The following RADIL variants were observed in gnomAD, a reference collection of about 807,000 sequenced individuals.
The protein encoded by RADIL is ras-associating and dilute domain-containing protein.
Under a neutral mutation model 97.6 loss-of-function variants are expected in RADIL, and 99 were observed. The ratio of observed to expected loss-of-function variants is 1.01; its 90% CI spans 0.86 to 1.20. The LOEUF (loss-of-function observed/expected upper bound fraction) is 1.20. Ranked by LOEUF, RADIL falls within the 50% of genes most tolerant of loss-of-function variation. The probability of loss-of-function intolerance (pLI) is 0.00; values close to 1 mark genes in which losing one functional copy is unlikely to be tolerated. For synonymous variants in RADIL, 803 were observed against 691.8 expected, an observed-to-expected ratio of 1.16 and a Z score of -2.52; for missense variants, 1,765 against 1,498.9, an observed-to-expected ratio of 1.18 and a Z score of -2.93.
Position 4,852,687 on chromosome 7 carries a change from C to T in RADIL, c.536-16082G>A, listed in dbSNP as rs186768392. Among the ~76,000 whole-genome samples the T allele has an allele frequency of 1.2e-3, 182 of 152,266 alleles. 1 individual carries two copies. The highest frequency in any genetic ancestry group is 3.8e-3 in the African/African-American group (159 of 41,542). Reference sequence around the variant, plus strand: ...AGCACAGAGTGGCTGGGATTACAGGCATGTGCCACCACACCCTGATAATTT... The same window carrying T: ...AGCACAGAGTGGCTGGGATTACAGGTATGTGCCACCACACCCTGATAATTT... On this transcript the variant is annotated intron_variant, in intron 2 of 14. Transcript: ENST00000399583.
At chr7:4,800,006 G>A (rs553522877) in intron 13 of RADIL, among the ~76,000 whole-genome samples, 165 bp downstream of exon 13, 89 of 152,308 alleles carry the variant, frequency 5.8e-4, no homozygotes, top group African/African-American at 1.9e-3. Flanking sequence ...GGGCGTGGCC[G>A]TTGGACAGGC....
intron 4 of RADIL, among the ~76,000 whole-genome samples, chr7:4,833,221 G>A (rs1783197560): frequency 6.6e-6 from 1 of 152,228 alleles, no homozygotes; most frequent in African/African-American, 2.4e-5. Flanking sequence ...GTGACATGGG[G>A]TGTGGCATCT....
In RADIL at chr7:4,814,545, G is replaced by A. The variant is rs896581764; in HGVS notation, c.2139+733C>T. 9.9e-5 allele frequency among the ~76,000 whole-genome samples: 15 copies of A among 151,884 alleles called. No homozygotes were observed. The highest frequency in any genetic ancestry group is 3.6e-4 in the African/African-American group (15 of 41,322). On this transcript the variant is annotated intron_variant, in intron 9 of 14. Coordinates refer to ENST00000399583, the MANE Select transcript of RADIL (RefSeq NM_018059.5). The surrounding 1 kb of genome is among the most constrained non-coding windows in gnomAD (Gnocchi z 4.5). ...GATGACTGTGTTGGGAAGGGGGGTG[G>A]TGAGTGGCTGACTGTGTTGGGAGGG...
intron 9 of RADIL, chr7:4,811,216 G>A (rs981501709): frequency 4.6e-5 from 7 of 152,044 alleles, no homozygotes; most frequent in African/African-American, 9.7e-5. Flanking sequence ...AGCAATGCGA[G>A]TGGAGAAGAA....
intron 11 of RADIL, 45 bp from the exon 12 acceptor site, chr7:4,802,040 T>A: frequency 7.0e-7 from 1 of 1,424,818 alleles, no homozygotes; most frequent in Non-Finnish European, 9.3e-7. Flanking sequence ...AGTGGCCAGG[T>A]GGACACAGCA....
chr7:4,833,985 G>A (rs915615542), intron 4 of RADIL, among the ~76,000 whole-genome samples: 20 of 152,154 alleles, frequency 1.3e-4, no homozygotes, highest in African/African-American at 4.8e-4. Context: ...GGATGCTGCT[G>A]AATCCTCTGC....
Position 4,822,650 on chromosome 7 carries a change from G to T in RADIL, c.1455-96C>A. On this transcript the variant is annotated intron_variant, in intron 5 of 14. Coordinates refer to ENST00000399583, the MANE Select transcript of RADIL (RefSeq NM_018059.5). The surrounding 1 kb of genome is among the most constrained non-coding windows in gnomAD (Gnocchi z 5.3). ...TACATAAGGATGCGCGTTTTCATGGGACGCTGACAACAACTGCAACCATCA... is the reference window on the plus strand; with the variant it reads ...TACATAAGGATGCGCGTTTTCATGGTACGCTGACAACAACTGCAACCATCA... 3 of 1,386,664 alleles carry T rather than the reference G, an allele frequency of 2.2e-6. No homozygotes were observed. Among genetic ancestry groups the T allele is most frequent in the South Asian group, 2.7e-5 (2 of 73,070 alleles). The allele number at this position is 1,386,664 out of a possible 1,614,324, so 85.9% of individuals were successfully genotyped here. A position where few individuals can be genotyped will look rare whatever the true frequency, so the allele number is the denominator to read the frequency against.
At chr7:4,847,612 G>A (rs10235701) in intron 2 of RADIL, among the ~76,000 whole-genome samples, 69,692 of 151,690 alleles carry the variant, frequency 0.46, 16,941 homozygotes, top group African/African-American at 0.62. Flanking sequence ...ATCAACGGGT[G>A]AACAGATGAA....
In RADIL at chr7:4,867,525, A is replaced by G. The variant is rs1235207517; in HGVS notation, c.535+10080T>C. On this transcript the variant is annotated intron_variant, in intron 2 of 14. Transcript: ENST00000399583. This position sits in a 1 kb window ranked among gnomAD's most constrained non-coding sequence, Gnocchi z 4.1. ...GCCAGGTGTGGTGGCTCATGGCTGT[A>G]ATCCCAGCACTTTGGGAGGCTGAGG... Among the ~76,000 whole-genome samples, 1 of 152,176 alleles carries G rather than the reference A, an allele frequency of 6.6e-6. No individual in the cohort carries two copies. Among genetic ancestry groups the G allele is most frequent in the East Asian group, 1.9e-4 (1 of 5,196 alleles).
At position 4,797,420 on chromosome 7, in the gene RADIL, T is replaced by A. The variant is rs1320562982; in HGVS notation, c.*1958A>T. On this transcript the variant is annotated 3_prime_UTR_variant, in exon 15 of 15. Coordinates refer to ENST00000399583, the MANE Select transcript of RADIL (RefSeq NM_018059.5). Reference sequence around the variant, plus strand: ...GAGCAAGTCAGAAGGCCGGAGAATATTGCAGGGAAGAAGAGATAAGCCCCC... The same window carrying A: ...GAGCAAGTCAGAAGGCCGGAGAATAATGCAGGGAAGAAGAGATAAGCCCCC... 6.6e-6 allele frequency: 1 copy of A among 152,184 alleles called. No homozygotes were observed. The highest frequency in any genetic ancestry group is 2.4e-5 in the African/African-American group (1 of 41,424). The allele number at this position is 152,184 out of a possible 1,614,324, so 9.4% of individuals were successfully genotyped here.
chr7:4,862,354 G>A (rs1282374620), intron 2 of RADIL, among the ~76,000 whole-genome samples: 1 of 152,204 alleles, frequency 6.6e-6, no homozygotes, highest in East Asian at 1.9e-4. Flanking sequence ...AACCCGCGGT[G>A]GAAAGCAGCT....
chr7:4,859,874 C>T (rs1783931245), intron 2 of RADIL: 1 of 1,491,776 alleles, frequency 6.7e-7, no homozygotes. Flanking sequence ...CTTTATGAGG[C>T]AAGAATATCC....
intron 2 of RADIL, chr7:4,862,034 G>A (rs1225482219): frequency 1.2e-5 from 5 of 402,630 alleles, no homozygotes; most frequent in Middle Eastern, 6.3e-4. Flanking sequence ...AGAACCTACC[G>A]TACACGCGCG....
chr7:4,876,922 C>T (rs1253888956), intron 2 of RADIL, among the ~76,000 whole-genome samples: 2 of 152,234 alleles, frequency 1.3e-5, no homozygotes. Context: ...ATTGTCTTTT[C>T]ACTTCATTGC....
Position 4,878,352 on chromosome 7 carries a change from TG to T in RADIL, c.-64-150del. 1.7e-6 allele frequency: 1 copy of T among 605,280 alleles called. No individual in the cohort carries two copies. The allele number at this position is 605,280 out of a possible 1,614,324, so 37.5% of individuals were successfully genotyped here. A position where few individuals can be genotyped will look rare whatever the true frequency, so the allele number is the denominator to read the frequency against. On this transcript the variant is annotated intron_variant, in intron 1 of 14. Transcript: ENST00000399583. The surrounding 1 kb of genome is among the most constrained non-coding windows in gnomAD (Gnocchi z 4.1). ...TGAGCCCGGGAGTTCCAGACCAGCC[TG>T]GGAAACATAGTAAGGCCCCGGCTCT...
chr7:4,883,243 A>C lies in RADIL; in HGVS notation c.-65+353T>G, dbSNP rs1350517080. On this transcript the variant is annotated intron_variant, in intron 1 of 14. Transcript: ENST00000399583. This position sits in a 1 kb window ranked among gnomAD's most constrained non-coding sequence, Gnocchi z 7.1. The stretch of plus-strand genomic sequence containing the variant: ...TCCCCCTCCAGGGCACAGCCGGGAA[A>C]ACTGAGGGCCGAGAGTCCCCTGGAG... 6.8e-6 allele frequency among the ~76,000 whole-genome samples: 1 copy of C among 147,902 alleles called. No homozygotes were observed. Among genetic ancestry groups the C allele is most frequent in the Non-Finnish European group, 1.5e-5 (1 of 67,776 alleles).
chr7:4,832,330 G>C lies in RADIL; in HGVS notation c.1417-152C>G, dbSNP rs938845154. 11 of 744,616 alleles carry C rather than the reference G, an allele frequency of 1.5e-5. No individual in the cohort carries two copies. The Admixed American group carries it at 2.5e-4, about 17-fold the overall frequency. The allele number at this position is 744,616 out of a possible 1,614,324, so 46.1% of individuals were successfully genotyped here. ...CTATTTATTCAAGCTGTGCTGGAAA[G>C]GACATTTTCCATGTGACTTCAACAT... is the stretch of plus-strand genomic sequence containing the variant. On this transcript the variant is annotated intron_variant, in intron 4 of 14. Transcript: ENST00000399583.
At chr7:4,855,521 C>T (rs1172684016) in intron 2 of RADIL, among the ~76,000 whole-genome samples, 1 of 150,142 alleles carries the variant, frequency 6.7e-6, no homozygotes, top group African/African-American at 2.5e-5. Context: ...CCAAAGGGGC[C>T]AAAACAATTT....
rs1782843740 is a variant in RADIL, at chr7:4,821,914, A to G, written c.1615+480T>C. Among the ~76,000 whole-genome samples, 1 of 152,124 alleles carries G rather than the reference A, an allele frequency of 6.6e-6. No individual in the cohort carries two copies. Among genetic ancestry groups the G allele is most frequent in the Non-Finnish European group, 1.5e-5 (1 of 68,022 alleles). ...TCCCACATCTTAATCTGTGAAACCGACATAATCTACAATTTCACAACAATG... is the reference window on the plus strand; with the variant it reads ...TCCCACATCTTAATCTGTGAAACCGGCATAATCTACAATTTCACAACAATG... On this transcript the variant is annotated intron_variant, in intron 6 of 14. Transcript: ENST00000399583. This position sits in a 1 kb window ranked among gnomAD's most constrained non-coding sequence, Gnocchi z 5.2.
Sources: allele counts gnomAD v4.1 joint callset (sites outside exome capture counted in the v4.1 genomes callset), GRCh38; gene constraint gnomAD v4.1.1; non-coding constraint Gnocchi (gnomAD v3.1); transcripts MANE v1.5; gene names NCBI Gene and HGNC (gene_info 2026-07-23, HGNC 2026-07-21).